SORBS2: variants seen among roughly 807,000 people sequenced by gnomAD.
SORBS2 encodes sorbin and SH3 domain-containing protein 2.
In SORBS2, 46 loss-of-function variants were observed where a neutral mutation model predicts 97.7. That is an observed-to-expected ratio of 0.47 (90% CI 0.37 to 0.60). The LOEUF is 0.60. SORBS2 is among the 20% of genes least tolerant of loss of function. The pLI is 0.00. For synonymous variants in SORBS2, 476 were observed against 473.4 expected (o/e 1.01, Z -0.07); for missense variants, 1,316 against 1,282.3 (o/e 1.03, Z -0.40).
intron 1 of SORBS2, among the ~76,000 whole-genome samples, chr4:185,909,908 C>T (rs141433642): frequency 0.01 from 1,550 of 150,980 alleles, 13 homozygotes; most frequent in Middle Eastern, 0.017. Context: ...TGCTTGAACC[C>T]GGGAGGCGGA....
chr4:185,933,583 G>A (rs1025192617), intron 1 of SORBS2, among the ~76,000 whole-genome samples: 4 of 151,938 alleles, frequency 2.6e-5, no homozygotes, highest in Non-Finnish European at 4.4e-5. Flanking sequence ...GCTTGTAGAC[G>A]CATCACCTGG....
intron 1 of SORBS2, among the ~76,000 whole-genome samples, chr4:185,831,778 C>T (rs907048561): frequency 6.6e-6 from 1 of 152,190 alleles, no homozygotes; most frequent in South Asian, 2.1e-4. Flanking sequence ...CCACTACACT[C>T]TGAGATGTTA....
intron 1 of SORBS2, among the ~76,000 whole-genome samples, chr4:185,896,178 G>T (rs2149815365): frequency 6.6e-6 from 1 of 152,340 alleles, no homozygotes; most frequent in East Asian, 1.9e-4. Context: ...TGGGAAATAG[G>T]TAGGAAAGAC....
chr4:185,798,324 T>C (rs1194848083), intron 1 of SORBS2, among the ~76,000 whole-genome samples: 3 of 152,234 alleles, frequency 2.0e-5, no homozygotes, highest in Admixed American at 2.0e-4. Flanking sequence ...TTTTGCTCAA[T>C]ATCAAACTCT....
chr4:185,638,191 GA>G, intron 4 of SORBS2, 29 bp from the exon 15 acceptor site: 8 of 1,386,190 alleles, frequency 5.8e-6, no homozygotes, highest in Non-Finnish European at 7.2e-6. Context: ...AAAAGGGAAG[GA>G]AAAGGCACAC....
intron 2 of SORBS2, among the ~76,000 whole-genome samples, chr4:185,698,704 T>C (rs77609284): frequency 0.054 from 8,224 of 152,232 alleles, 452 homozygotes; most frequent in East Asian, 0.22. Context: ...CATAGAACCA[T>C]ATGTTTCTTC....
intron 2 of SORBS2, among the ~76,000 whole-genome samples, chr4:185,750,786 T>G (rs1300156989): frequency 6.6e-6 from 1 of 152,158 alleles, no homozygotes; most frequent in Non-Finnish European, 1.5e-5. Context: ...GCTCTTGATT[T>G]AGATTTTTGG....
At chr4:185,608,514 CTT>C (rs2096474852) in intron 12 of SORBS2, among the ~76,000 whole-genome samples, 1 of 117,530 alleles carries the variant, frequency 8.5e-6, no homozygotes, top group Non-Finnish European at 2.0e-5. Context: ...GTAAAATATA[CTT>C]ACTTCTACAT....
intron 1 of SORBS2, among the ~76,000 whole-genome samples, chr4:185,921,039 G>A (rs551749396): frequency 2.6e-5 from 4 of 152,290 alleles, no homozygotes; most frequent in Admixed American, 2.6e-4. Flanking sequence ...AGGGCTGGGC[G>A]GGGAATGCTG....
intron 1 of SORBS2, among the ~76,000 whole-genome samples, chr4:185,894,002 G>C (rs138631203): frequency 9.1e-4 from 138 of 152,160 alleles, no homozygotes; most frequent in Non-Finnish European, 1.5e-3. Flanking sequence ...TCTACCTCCC[G>C]AATGCAGATT....
At chr4:185,700,025 T>C (rs1542847) in intron 2 of SORBS2, among the ~76,000 whole-genome samples, 140,039 of 152,214 alleles carry the variant, frequency 0.92, 64,417 homozygotes, top group African/African-American at 0.95. Flanking sequence ...AAGTGGTGTG[T>C]TTATTGATTC....
At chr4:185,788,236 T>C (rs886295723) in intron 1 of SORBS2, among the ~76,000 whole-genome samples, 1 of 152,120 alleles carries the variant, frequency 6.6e-6, no homozygotes, top group East Asian at 1.9e-4. Context: ...GGTGGTAGCA[T>C]CAATGGAGCA....
chr4:185,606,211 C>G lies in SORBS2; in HGVS notation c.2796+5569G>C. On this transcript the variant is annotated intron_variant, in intron 12 of 14. Coordinates refer to ENST00000418609, the Ensembl canonical transcript of SORBS2. The surrounding 1 kb of genome is among the most constrained non-coding windows in gnomAD (Gnocchi z 4.3). ...AAAGTGGGGATGATAATGTCACACA[C>G]CTCACTGGGTTTTGACGATTAAAGA... 1.0e-6 allele frequency: 1 copy of G among 985,350 alleles called. No homozygotes were observed. The highest frequency in any genetic ancestry group is 1.2e-6 in the Non-Finnish European group (1 of 829,924). The allele number at this position is 985,350 out of a possible 1,614,324, so 61.0% of individuals were successfully genotyped here.
chr4:185,705,949 A>G (rs1005377737), intron 2 of SORBS2, among the ~76,000 whole-genome samples: 10 of 152,306 alleles, frequency 6.6e-5, no homozygotes, highest in Admixed American at 2.0e-4. Flanking sequence ...GAATCTCTAG[A>G]TGATTTAGAG....
At chr4:185,710,510 C>T (rs1178050880) in intron 2 of SORBS2, among the ~76,000 whole-genome samples, 1 of 152,192 alleles carries the variant, frequency 6.6e-6, no homozygotes, top group South Asian at 2.1e-4. Context: ...ATCCACACTC[C>T]CCCCCAAATT....
In SORBS2 at chr4:185,652,762, T is replaced by C. The variant is rs542948384; in HGVS notation, c.25-34A>G. On this transcript the variant is annotated intron_variant, in intron 1 of 14. Coordinates refer to ENST00000418609, the Ensembl canonical transcript of SORBS2. ...AAGAGAGCGTCCAATGGTTACAAAC[T>C]GGCTTCCAATCAACATCGCTTCTCA... The C allele has an allele frequency of 3.8e-5, 57 of 1,512,238 alleles. No homozygotes were observed. In the Admixed American group the frequency reaches 7.7e-4, roughly 20 times the overall value. The allele number at this position is 1,512,238 out of a possible 1,614,324, so 93.7% of individuals were successfully genotyped here.
At chr4:185,790,435 A>C (rs2099075140) in intron 1 of SORBS2, among the ~76,000 whole-genome samples, 1 of 152,204 alleles carries the variant, frequency 6.6e-6, no homozygotes, top group Non-Finnish European at 1.5e-5. Flanking sequence ...CAAGTACAAT[A>C]CGTGTATCTT....
At chr4:185,638,106 G>A (rs1318953266) in intron 4 of SORBS2, 2 of 1,610,492 alleles carry the variant, frequency 1.2e-6, no homozygotes, top group Admixed American at 3.3e-5. Flanking sequence ...GTTCTGAAAA[G>A]AATTTATACC....
At chr4:185,679,197 T>C (rs924067166) in intron 2 of SORBS2, among the ~76,000 whole-genome samples, 2 of 152,194 alleles carry the variant, frequency 1.3e-5, no homozygotes, top group African/African-American at 4.8e-5. Flanking sequence ...GATCCTTAGC[T>C]TCCAATGCCC....
Sources: gnomAD v4.1 joint callset for allele counts (sites outside exome capture counted in the v4.1 genomes callset) on GRCh38, gnomAD v4.1.1 for gene constraint, Gnocchi (gnomAD v3.1) non-coding constraint, MANE v1.5 for transcripts, NCBI Gene and HGNC (gene_info 2026-07-23, HGNC 2026-07-21) for gene names.